Variants in CACNA1B observed in about 807,000 individuals in gnomAD.
CACNA1B encodes calcium voltage-gated channel subunit alpha1 B.
A neutral mutation model predicts 247.2 loss-of-function variants in CACNA1B; 70 were observed. That is an observed-to-expected ratio of 0.28 (90% confidence interval 0.23 to 0.35). The LOEUF is 0.35. CACNA1B is among the 10% of genes least tolerant of loss of function. CACNA1B has a pLI of 1.00. For synonymous variants in CACNA1B, 1,231 were observed against 1,294.4 expected, an observed-to-expected ratio of 0.95 and a Z score of 1.05; for missense variants, 2,367 against 3,197.4, an observed-to-expected ratio of 0.74 and a Z score of 6.26.
In CACNA1B at chr9:138,045,907, G is replaced by A. The variant is rs888529577; in HGVS notation, c.3414-997G>A. Among the ~76,000 whole-genome samples, 7 of 152,290 alleles carry A rather than the reference G, an allele frequency of 4.6e-5. No individual in the cohort carries two copies. The Middle Eastern group carries it at 0.01, about 222-fold the overall frequency. On this transcript the variant is annotated intron_variant, in intron 21 of 46. Transcript: ENST00000371372. Reference sequence around the variant, plus strand: ...TGGCCCTTGGGGGTTCGCAGGTGTGGGTGAGAGGAAGAGCTTAGAGGGGCT... The same window carrying A: ...TGGCCCTTGGGGGTTCGCAGGTGTGAGTGAGAGGAAGAGCTTAGAGGGGCT...
At chr9:138,110,691 T>C (rs767732250) in intron 39 of CACNA1B, among the ~76,000 whole-genome samples, 1 of 152,110 alleles carries the variant, frequency 6.6e-6, no homozygotes, top group Non-Finnish European at 1.5e-5. Context: ...GTGATCATAC[T>C]ACTGCACTCC....
At chr9:137,978,443 G>A (rs1262213045) in intron 12 of CACNA1B, among the ~76,000 whole-genome samples, 1 of 135,106 alleles carries the variant, frequency 7.4e-6, no homozygotes, top group African/African-American at 2.8e-5. Flanking sequence ...CTGCCCCCCC[G>A]AGAAAGGAGT....
chr9:138,087,063 A>G (rs1409087793), intron 36 of CACNA1B, among the ~76,000 whole-genome samples: 1 of 151,282 alleles, frequency 6.6e-6, no homozygotes, highest in African/African-American at 2.4e-5. Context: ...CTGAAAGACA[A>G]ATGGGCCAAG....
chr9:138,100,224 GGA>G lies in CACNA1B; in HGVS notation c.5223-2483_5223-2482del, dbSNP rs2131347034. ...GAGGCCAGGTGGCTTCTGTCAGGCT[GGA>G]GAGGAGAGTGCATTGCAGAGGGGCT... is the stretch of plus-strand genomic sequence containing the variant. On this transcript the variant is annotated intron_variant, in intron 37 of 46. Transcript: ENST00000371372. This position sits in a 1 kb window ranked among gnomAD's most constrained non-coding sequence, Gnocchi z 4.6. 6.6e-6 allele frequency among the ~76,000 whole-genome samples: 1 copy of G among 152,326 alleles called. No individual in the cohort carries two copies. The highest frequency in any genetic ancestry group is 1.9e-4 in the East Asian group (1 of 5,182).
intron 18 of CACNA1B, 39 bp from the exon 19 acceptor site, chr9:138,022,972 C>T: frequency 3.4e-6 from 5 of 1,451,596 alleles, no homozygotes; most frequent in Non-Finnish European, 4.5e-6. Flanking sequence ...GGCGGGCGGG[C>T]GGCAGACGGG....
intron 3 of CACNA1B, among the ~76,000 whole-genome samples, chr9:137,901,278 C>CTG (rs1265822974): frequency 6.6e-6 from 1 of 150,944 alleles, no homozygotes; most frequent in African/African-American, 2.4e-5. Flanking sequence ...GTCTCTGTGT[C>CTG]TGTGTGTCCG....
chr9:137,940,045 C>T (rs1461533617), intron 6 of CACNA1B, among the ~76,000 whole-genome samples: 1 of 151,680 alleles, frequency 6.6e-6, no homozygotes, highest in African/African-American at 2.4e-5. Context: ...CAAACCCAAA[C>T]CCAGCAGAAG....
Position 138,057,993 on chromosome 9 carries a change from T to G in CACNA1B, c.4107-56T>G, listed in dbSNP as rs551293984. On this transcript the variant is annotated intron_variant, in intron 27 of 46. Coordinates refer to ENST00000371372, the MANE Select transcript of CACNA1B (RefSeq NM_000718.4). The surrounding 1 kb of genome is among the most constrained non-coding windows in gnomAD (Gnocchi z 4.0). ...CACCCTTGTGGTGCAGGTCTTGAGT[T>G]CTTAGGGCTGTCTCCTTTGGGGGTT... The G allele has an allele frequency of 6.4e-7, 1 of 1,573,840 alleles. No individual in the cohort carries two copies. Among genetic ancestry groups the G allele is most frequent in the African/African-American group, 1.3e-5 (1 of 74,182 alleles).
rs1958834784 is a variant in CACNA1B at position 138,020,725 on chromosome 9, C to CTCT, written c.2268-2286_2268-2285insTCT. Among the ~76,000 whole-genome samples, 1 of 152,194 alleles carries CTCT rather than the reference C, an allele frequency of 6.6e-6. No individual in the cohort carries two copies. Among genetic ancestry groups the CTCT allele is most frequent in the Non-Finnish European group, 1.5e-5 (1 of 68,026 alleles). On this transcript the variant is annotated intron_variant, in intron 18 of 46. Coordinates refer to ENST00000371372, the MANE Select transcript of CACNA1B (RefSeq NM_000718.4). This position sits in a 1 kb window ranked among gnomAD's most constrained non-coding sequence, Gnocchi z 4.1. Reference sequence around the variant, plus strand: ...CAGCATGTTGCTCTGCCTGGGTGGTCACGGGGGAGCCTGCCAGCCTGACAG... The same window carrying CTCT: ...CAGCATGTTGCTCTGCCTGGGTGGTCTCTACGGGGGAGCCTGCCAGCCTGACAG...
At chr9:137,885,272 G>T (rs750019980) in intron 3 of CACNA1B, among the ~76,000 whole-genome samples, 1 of 151,976 alleles carries the variant, frequency 6.6e-6, no homozygotes, top group Non-Finnish European at 1.5e-5. Context: ...GGAGGGAGCC[G>T]CTTTGCTGCT....
Position 137,986,671 on chromosome 9 carries a change from G to A in CACNA1B, c.1902-111G>A, listed in dbSNP as rs1958365818. ...CAGGAAGGTCCTCAGAGGGGCCAGT[G>A]TGCAGCCATCTGCAGCCTGAAGCGA... On this transcript the variant is annotated intron_variant, in intron 14 of 46. Transcript: ENST00000371372. The surrounding 1 kb of genome is among the most constrained non-coding windows in gnomAD (Gnocchi z 6.0). 7.0e-7 allele frequency: 1 copy of A among 1,421,246 alleles called. No homozygotes were observed. Among genetic ancestry groups the A allele is most frequent in the Non-Finnish European group, 9.9e-7 (1 of 1,006,902 alleles). The allele number at this position is 1,421,246 out of a possible 1,614,324, so 88.0% of individuals were successfully genotyped here.
rs1395913443 is a variant in CACNA1B at position 137,973,744 on chromosome 9, G to A, written c.1543+2152G>A. ...TAGGATGCATGATACAAGAGTGTACGAATGAATGCCCTTTCTGGGCCTCAG... is the reference window on the plus strand; with the variant it reads ...TAGGATGCATGATACAAGAGTGTACAAATGAATGCCCTTTCTGGGCCTCAG... On this transcript the variant is annotated intron_variant, in intron 11 of 46. Transcript: ENST00000371372. The surrounding 1 kb of genome is among the most constrained non-coding windows in gnomAD (Gnocchi z 4.1). Among the ~76,000 whole-genome samples, 13 of 152,316 alleles carry A rather than the reference G, an allele frequency of 8.5e-5. No individual in the cohort carries two copies. Among genetic ancestry groups the A allele is most frequent in the African/African-American group, 2.4e-4 (10 of 41,576 alleles).
At chr9:137,915,417 A>T (rs1957398869) in intron 5 of CACNA1B, among the ~76,000 whole-genome samples, 1 of 152,178 alleles carries the variant, frequency 6.6e-6, no homozygotes. Context: ...GGGTCAAATT[A>T]TGGGTGTATT....
rs555410856 is a variant in CACNA1B, at chr9:137,899,930, C to G, written c.531-13250C>G. Reference sequence around the variant, plus strand: ...AGGTTGATGGGGCGTGGGTAGGGCTCTGTGCCACAGGGACGGGGTACAGGG... The same window carrying G: ...AGGTTGATGGGGCGTGGGTAGGGCTGTGTGCCACAGGGACGGGGTACAGGG... On this transcript the variant is annotated intron_variant, in intron 3 of 46. Coordinates refer to ENST00000371372, the MANE Select transcript of CACNA1B (RefSeq NM_000718.4). The surrounding 1 kb of genome is among the most constrained non-coding windows in gnomAD (Gnocchi z 5.0). Among the ~76,000 whole-genome samples, 1 of 152,256 alleles carries G rather than the reference C, an allele frequency of 6.6e-6. No individual in the cohort carries two copies. Among genetic ancestry groups the G allele is most frequent in the South Asian group, 2.1e-4 (1 of 4,822 alleles).
chr9:137,979,394 T>TCTGAGGGAGAGAA (rs1173434637), intron 12 of CACNA1B, among the ~76,000 whole-genome samples: 1 of 152,056 alleles, frequency 6.6e-6, no homozygotes, highest in Non-Finnish European at 1.5e-5. Flanking sequence ...TCAGCTGTGG[T>TCTGAGGGAGAGAA]CTGAGGGAGA....
Position 138,114,486 on chromosome 9 carries a change from C to G in CACNA1B, c.5645C>G (p.Ser1882Cys), listed in dbSNP as rs749289745. The G allele has an allele frequency of 1.9e-6, 3 of 1,541,640 alleles. No homozygotes were observed. The highest frequency in any genetic ancestry group is 1.7e-4 in the Middle Eastern group (1 of 5,960). ...ATGCAGCAGGCTCCTGGAGGCCTCT[C>G]CCAGGTAGCTGGCGGCCCTCAGTTT... ...DQMQQAPGGL[S>C]QMGPVSLFHP... The change falls in exon 41 of 47, where the codon TCC (serine) becomes TGC (cysteine). Residue 1882 changes from serine (S) to cysteine (C), a missense_variant. Transcript: ENST00000371372.
At chr9:137,996,219 A>G (rs2133395325) in intron 15 of CACNA1B, among the ~76,000 whole-genome samples, 1 of 152,404 alleles carries the variant, frequency 6.6e-6, no homozygotes, top group African/African-American at 2.4e-5. Flanking sequence ...GCATGTTTAT[A>G]GCAGCACAAT....
In CACNA1B at chr9:137,891,574, T is replaced by G; in HGVS notation, c.530+8691T>G. Reference sequence around the variant, plus strand: ...GGTTCAAGTTCATACCCCGGGAGGGTGGGAGCCTTGCTCCTGTGGGCACGT... The same window carrying G: ...GGTTCAAGTTCATACCCCGGGAGGGGGGGAGCCTTGCTCCTGTGGGCACGT... On this transcript the variant is annotated intron_variant, in intron 3 of 46. Transcript: ENST00000371372. This position sits in a 1 kb window ranked among gnomAD's most constrained non-coding sequence, Gnocchi z 4.3. 1 of 189,028 alleles carries G rather than the reference T, an allele frequency of 5.3e-6. No individual in the cohort carries two copies. Among genetic ancestry groups the G allele is most frequent in the Non-Finnish European group, 1.1e-5 (1 of 91,940 alleles). The allele number at this position is 189,028 out of a possible 1,614,324, so 11.7% of individuals were successfully genotyped here.
chr9:138,039,714 A>C (rs529083029), intron 20 of CACNA1B, among the ~76,000 whole-genome samples: 2 of 152,130 alleles, frequency 1.3e-5, no homozygotes, highest in Admixed American at 1.3e-4. Flanking sequence ...TTTTCTTTGA[A>C]ATTCATTTGC....
Sources: gnomAD v4.1 joint callset for allele counts (sites outside exome capture counted in the v4.1 genomes callset) on GRCh38, gnomAD v4.1.1 for gene constraint, Gnocchi (gnomAD v3.1) non-coding constraint, MANE v1.5 for transcripts, NCBI Gene and HGNC (gene_info 2026-07-23, HGNC 2026-07-21) for gene names.